Variants in ZNF385D observed in about 807,000 individuals in gnomAD.
ZNF385D encodes the protein zinc finger protein 659.
ZNF385D carries 15 observed loss-of-function variants against 35.8 expected under a neutral mutation model. The ratio of observed to expected loss-of-function variants is 0.42; its 90% CI spans 0.28 to 0.64. ZNF385D has a LOEUF of 0.64. Among genes scored for constraint, ZNF385D ranks in the 30% least tolerant of loss-of-function variants. The pLI, the probability that ZNF385D is intolerant of heterozygous loss-of-function variation, is 0.23. For missense variants in ZNF385D, 474 were observed against 494.6 expected (o/e 0.96, Z 0.39); for synonymous variants, 212 against 186.8 (o/e 1.13, Z -1.10).
intron 3 of ZNF385D, among the ~76,000 whole-genome samples, chr3:21,529,879 T>G (rs1164256062): frequency 6.6e-6 from 1 of 152,190 alleles, no homozygotes; most frequent in African/African-American, 2.4e-5. Context: ...GAAAAATTAT[T>G]GCAGAAAAAG....
chr3:21,872,876 T>C (rs746569114), intron 3 of ZNF385D, among the ~76,000 whole-genome samples: 44 of 152,142 alleles, frequency 2.9e-4, no homozygotes, highest in Admixed American at 1.2e-3. Flanking sequence ...AATGTTACCA[T>C]TAATAAAAGA....
chr3:22,172,416 A>T (rs909415431), intron 2 of ZNF385D, among the ~76,000 whole-genome samples: 9 of 152,104 alleles, frequency 5.9e-5, no homozygotes, highest in African/African-American at 2.2e-4. Context: ...AGTTAATTTG[A>T]GAAAAAATAA....
chr3:21,824,286 T>C (rs1162034419), intron 3 of ZNF385D, among the ~76,000 whole-genome samples: 1 of 152,144 alleles, frequency 6.6e-6, no homozygotes, highest in African/African-American at 2.4e-5. Context: ...TGATAATTCT[T>C]TTTTAAAAGG....
chr3:22,081,991 ATTTTTT>A (rs67970020), intron 3 of ZNF385D, among the ~76,000 whole-genome samples: 25 of 133,344 alleles, frequency 1.9e-4, no homozygotes, highest in African/African-American at 5.8e-4. Flanking sequence ...GGGGTTTTCT[ATTTTTT>A]TTTTTTTTTT....
intron 3 of ZNF385D, among the ~76,000 whole-genome samples, chr3:21,859,232 G>C (rs1027154310): frequency 2.6e-5 from 4 of 151,968 alleles, no homozygotes; most frequent in Admixed American, 6.6e-5. Flanking sequence ...AAAGCTCAAA[G>C]AACGTCCCTC....
At chr3:21,533,434 A>G (rs2061969541) in intron 3 of ZNF385D, among the ~76,000 whole-genome samples, 1 of 152,134 alleles carries the variant, frequency 6.6e-6, no homozygotes, top group Admixed American at 6.5e-5. Flanking sequence ...TGGTGCACTC[A>G]GTATTTGAAC....
chr3:21,704,084 T>C (rs1445104732), intron 1 of ZNF385D, among the ~76,000 whole-genome samples: 2 of 152,148 alleles, frequency 1.3e-5, no homozygotes, highest in Non-Finnish European at 2.9e-5. Flanking sequence ...TTAAAAGCAA[T>C]GCTCAATCAT....
chr3:21,955,249 T>C (rs1023673635), intron 3 of ZNF385D, among the ~76,000 whole-genome samples: 6 of 152,262 alleles, frequency 3.9e-5, no homozygotes, highest in African/African-American at 1.4e-4. Context: ...GCTCTGTTCT[T>C]AAAATGGCTG....
intron 3 of ZNF385D, among the ~76,000 whole-genome samples, chr3:21,906,488 G>C (rs1228595512): frequency 1.3e-5 from 2 of 152,134 alleles, no homozygotes; most frequent in Admixed American, 1.3e-4. Context: ...TCTATGTCCT[G>C]AAAGAACGGA....
At chr3:22,245,513 T>C (rs1699729140) in intron 2 of ZNF385D, among the ~76,000 whole-genome samples, 1 of 148,732 alleles carries the variant, frequency 6.7e-6, no homozygotes, top group African/African-American at 2.5e-5. Context: ...CCCAGAAAAA[T>C]TAAAGTAGGG....
chr3:22,019,598 A>T (rs925598478), intron 3 of ZNF385D, among the ~76,000 whole-genome samples: 2 of 151,942 alleles, frequency 1.3e-5, no homozygotes, highest in Non-Finnish European at 2.9e-5. Context: ...TTGTGTCTGA[A>T]TTCCTATTTT....
rs147730002 is a variant in ZNF385D at position 21,775,870 on chromosome 3, C to T, written c.326-110842G>A. On this transcript the variant is annotated intron_variant, in intron 3 of 5. Coordinates refer to the ZNF385D transcript ENST00000494108. ...CCAGTAATTATAAAATTAAGACATG[C>T]TCTTTTTTAAATATTAGAAAAATTT... 3.7e-3 allele frequency among the ~76,000 whole-genome samples: 561 copies of T among 151,528 alleles called. 7 individuals carry two copies. Among genetic ancestry groups the T allele is most frequent in the African/African-American group, 0.013 (522 of 41,374 alleles).
chr3:22,188,671 C>T (rs1037073136), intron 2 of ZNF385D, among the ~76,000 whole-genome samples: 3 of 151,996 alleles, frequency 2.0e-5, no homozygotes, highest in Admixed American at 6.6e-5. Flanking sequence ...AGGATGGTCT[C>T]GATCTCCTGA....
At chr3:21,629,154 G>C (rs1028808843) in intron 2 of ZNF385D, among the ~76,000 whole-genome samples, 3 of 152,110 alleles carry the variant, frequency 2.0e-5, no homozygotes, top group Admixed American at 6.6e-5. Context: ...AAGTGGGTCT[G>C]ACATTTTGGG....
chr3:22,309,265 C>T (rs1447124908), intron 2 of ZNF385D, among the ~76,000 whole-genome samples: 2 of 140,402 alleles, frequency 1.4e-5, no homozygotes, highest in African/African-American at 2.7e-5. Flanking sequence ...GCTGCTTTTG[C>T]TTTAAATGAG....
chr3:22,276,184 C>A (rs760434935), intron 2 of ZNF385D, among the ~76,000 whole-genome samples: 2 of 152,040 alleles, frequency 1.3e-5, no homozygotes, highest in East Asian at 1.9e-4. Context: ...ATTTAAATTT[C>A]TTTTAAAGTG....
intron 2 of ZNF385D, among the ~76,000 whole-genome samples, chr3:22,280,031 G>A (rs944786071): frequency 2.0e-5 from 3 of 151,918 alleles, no homozygotes; most frequent in African/African-American, 4.8e-5. Flanking sequence ...TTCCCTGATC[G>A]TTAGTGATGT....
At chr3:22,211,283 C>G (rs1003156324) in intron 2 of ZNF385D, among the ~76,000 whole-genome samples, 4 of 151,790 alleles carry the variant, frequency 2.6e-5, no homozygotes, top group Admixed American at 2.0e-4. Context: ...TCAGTATTAA[C>G]AATTACAGAC....
intron 2 of ZNF385D, among the ~76,000 whole-genome samples, chr3:21,580,148 T>G (rs78330132): frequency 0.011 from 1,681 of 152,290 alleles, 12 homozygotes; most frequent in Non-Finnish European, 0.018. Context: ...GTTTTTCCTG[T>G]CTAAATGACT....
Sources: gnomAD v4.1 joint callset for allele counts (sites outside exome capture counted in the v4.1 genomes callset) on GRCh38, gnomAD v4.1.1 for gene constraint, MANE v1.5 for transcripts, NCBI Gene and HGNC (gene_info 2026-07-23, HGNC 2026-07-21) for gene names.